Variants in WDFY4 observed in about 807,000 individuals in gnomAD.
WDFY4 encodes the protein WD repeat- and FYVE domain-containing protein 4.
Under a neutral mutation model 351.9 loss-of-function variants are expected in WDFY4, and 169 were observed. That is an observed-to-expected ratio of 0.48 (90% CI 0.42 to 0.55). The LOEUF is 0.55. Among genes scored for constraint, WDFY4 ranks in the 20% least tolerant of loss-of-function variants. The probability of loss-of-function intolerance (pLI) is 0.00; values close to 1 mark genes in which losing one functional copy is unlikely to be tolerated. For missense variants in WDFY4, 3,803 were observed against 3,935.6 expected (o/e 0.97, Z 0.90); for synonymous variants, 1,622 against 1,574.6 (o/e 1.03, Z -0.71).
At chr10:48,899,894 T>C (rs184748559) in intron 45 of WDFY4, among the ~76,000 whole-genome samples, 3 of 152,256 alleles carry the variant, frequency 2.0e-5, no homozygotes, top group East Asian at 3.9e-4. Context: ...GGCTCACCCA[T>C]GCCATAACTC....
chr10:48,970,974 C>T (rs1842313313), intron 57 of WDFY4, among the ~76,000 whole-genome samples: 1 of 152,178 alleles, frequency 6.6e-6, no homozygotes, highest in Non-Finnish European at 1.5e-5. Flanking sequence ...CTTCTGTATA[C>T]TAATTTTTTT....
intron 24 of WDFY4, among the ~76,000 whole-genome samples, chr10:48,799,062 A>T (rs2066969279): frequency 6.6e-6 from 1 of 152,196 alleles, no homozygotes; most frequent in Admixed American, 6.5e-5. Flanking sequence ...ATGCTCAGCC[A>T]GTCTGGCTCC....
chr10:48,874,675 A>T (rs2069924306), intron 41 of WDFY4, among the ~76,000 whole-genome samples: 1 of 152,322 alleles, frequency 6.6e-6, no homozygotes, highest in South Asian at 2.1e-4. Context: ...TAAAAAAAAT[A>T]AGTAGCCTGC....
At chr10:48,932,310 C>T (rs907005324) in intron 47 of WDFY4, among the ~76,000 whole-genome samples, 4 of 152,162 alleles carry the variant, frequency 2.6e-5, no homozygotes, top group Non-Finnish European at 5.9e-5. Context: ...GGGCCACTCC[C>T]CACTGGTCAG....
At chr10:48,944,181 C>T (rs554580858) in intron 49 of WDFY4, among the ~76,000 whole-genome samples, 1 of 152,246 alleles carries the variant, frequency 6.6e-6, no homozygotes, top group East Asian at 1.9e-4. Context: ...GAGAGAGACA[C>T]AGGGATACAG....
rs750302081 is a variant in WDFY4 at position 48,875,081 on chromosome 10, T to C, written c.6949-8T>C. 6.8e-6 allele frequency: 10 copies of C among 1,479,900 alleles called. No homozygotes were observed. The highest frequency in any genetic ancestry group is 1.4e-5 in the South Asian group (1 of 69,574). 91.7% of individuals were successfully genotyped at this position (1,479,900 alleles called of 1,614,324 possible). On this transcript the variant is annotated splice_polypyrimidine_tract_variant and splice_region_variant and intron_variant, in intron 41 of 61. Coordinates refer to ENST00000325239, the MANE Select transcript of WDFY4 (RefSeq NM_001394531.1). Reference sequence around the variant, plus strand: ...ATTTAATTTTTCTTTTCAATGTCCTTATTTCAGGAAAGCCAAGACAAAAAT... The same window carrying C: ...ATTTAATTTTTCTTTTCAATGTCCTCATTTCAGGAAAGCCAAGACAAAAAT...
In WDFY4 at chr10:48,731,499, T is replaced by C; in HGVS notation, c.1519T>C (p.Ser507Pro). Residue 507 changes from serine to proline, a missense_variant, in exon 9 of 62, where the codon TCA (serine) becomes CCA (proline). Transcript: ENST00000325239. ...CCTCTTCACCGACATCTTCCGGGAC[T>C]CAGGGCTCCTGGGCCTGCTACTGGC... is the stretch of plus-strand genomic sequence containing the variant. ...DPLFTDIFRD[S>P]GLLGLLLAQL... 1 of 1,551,562 alleles carries C rather than the reference T, an allele frequency of 6.4e-7. No individual in the cohort carries two copies. Among genetic ancestry groups the C allele is most frequent in the Non-Finnish European group, 8.7e-7 (1 of 1,146,974 alleles).
At chr10:48,823,799 G>A (rs1001631410) in intron 35 of WDFY4, 23 of 988,432 alleles carry the variant, frequency 2.3e-5, no homozygotes, top group Middle Eastern at 1.0e-3. Context: ...ATATCCACCA[G>A]CCTCCTCTCT....
intron 39 of WDFY4, among the ~76,000 whole-genome samples, chr10:48,835,251 A>C (rs2068344539): frequency 6.6e-6 from 1 of 152,172 alleles, no homozygotes; most frequent in African/African-American, 2.4e-5. Context: ...GAGAAAAAAC[A>C]ATGCAGGGTA....
chr10:48,852,774 T>C (rs1421141231), intron 39 of WDFY4, among the ~76,000 whole-genome samples: 1 of 152,162 alleles, frequency 6.6e-6, no homozygotes, highest in Non-Finnish European at 1.5e-5. Context: ...ACTCAGCCGC[T>C]TCATGGGCTG....
Position 48,777,514 on chromosome 10 carries a change from T to C in WDFY4, c.3175+19T>C. Reference sequence around the variant, plus strand: ...GGGACAGGTAGGTGTTTTTCCCAGATGGTTTAGCTCTCCATCCCTTCCAAA... The same window carrying C: ...GGGACAGGTAGGTGTTTTTCCCAGACGGTTTAGCTCTCCATCCCTTCCAAA... On this transcript the variant is annotated intron_variant, in intron 17 of 61. Coordinates refer to ENST00000325239, the MANE Select transcript of WDFY4 (RefSeq NM_001394531.1). 1 of 1,549,400 alleles carries C rather than the reference T, an allele frequency of 6.5e-7. No homozygotes were observed. Among genetic ancestry groups the C allele is most frequent in the Non-Finnish European group, 8.7e-7 (1 of 1,144,834 alleles).
intron 47 of WDFY4, among the ~76,000 whole-genome samples, chr10:48,916,107 A>C (rs1257704342): frequency 1.3e-5 from 2 of 152,234 alleles, no homozygotes; most frequent in Non-Finnish European, 2.9e-5. Context: ...ACTCTGAGAT[A>C]AGTGATATCA....
intron 39 of WDFY4, among the ~76,000 whole-genome samples, chr10:48,836,904 G>A (rs73312012): frequency 2.7e-3 from 409 of 152,254 alleles, no homozygotes; most frequent in African/African-American, 9.1e-3. Flanking sequence ...CTTCACAGCC[G>A]TGGATTCAGC....
intron 40 of WDFY4, 123 bp from the exon 41 acceptor site, chr10:48,873,368 G>A: frequency 9.1e-7 from 1 of 1,097,600 alleles, no homozygotes; most frequent in African/African-American, 1.6e-5. Context: ...AGGGTGTAGA[G>A]AGAAGGTATC....
intron 41 of WDFY4, among the ~76,000 whole-genome samples, chr10:48,874,832 C>G (rs182242250): frequency 6.6e-6 from 1 of 152,158 alleles, no homozygotes; most frequent in Non-Finnish European, 1.5e-5. Flanking sequence ...CCATCTGGGC[C>G]TCTTCTTTGG....
chr10:48,780,023 T>A lies in WDFY4; in HGVS notation c.3480T>A (p.Gly1160=). ...QVRCGQLLAC[G]QWHHLAVVVT... is the part of the protein sequence containing the mutation. Reference sequence around the variant, plus strand: ...GGTGTGGCCAGCTCCTGGCTTGTGGTCAGTGGCATCACTTGGCTGTGGTTG... The same window carrying A: ...GGTGTGGCCAGCTCCTGGCTTGTGGACAGTGGCATCACTTGGCTGTGGTTG... The change falls in exon 19 of 62, where the codon GGT becomes GGA. Residue 1160 remains glycine (G), a synonymous_variant. Coordinates refer to ENST00000325239, the MANE Select transcript of WDFY4 (RefSeq NM_001394531.1). 1 of 1,551,856 alleles carries A rather than the reference T, an allele frequency of 6.4e-7. No individual in the cohort carries two copies. The highest frequency in any genetic ancestry group is 1.2e-5 in the South Asian group (1 of 84,060).
intron 1 of WDFY4, among the ~76,000 whole-genome samples, chr10:48,691,521 G>A (rs942101473): frequency 2.6e-5 from 4 of 152,196 alleles, no homozygotes; most frequent in Admixed American, 6.5e-5. Context: ...CCAGCGTAGC[G>A]GGCTGCTGGA....
chr10:48,708,985 GA>G (rs984540861), intron 1 of WDFY4, among the ~76,000 whole-genome samples: 2 of 144,124 alleles, frequency 1.4e-5, no homozygotes, highest in Non-Finnish European at 3.0e-5. Context: ...AGCAACAAGT[GA>G]AAAAAAAACA....
intron 14 of WDFY4, 132 bp downstream of exon 14, chr10:48,774,804 C>G (rs1026851911): frequency 3.3e-6 from 4 of 1,195,862 alleles, no homozygotes; most frequent in Non-Finnish European, 3.6e-6. Context: ...GCATTCAAGG[C>G]TGGAGTCCAT....
Sources: gnomAD v4.1 joint callset for allele counts (sites outside exome capture counted in the v4.1 genomes callset) on GRCh38, gnomAD v4.1.1 for gene constraint, MANE v1.5 for transcripts, NCBI Gene and HGNC (gene_info 2026-07-23, HGNC 2026-07-21) for gene names.